The following ADSS2 variants were observed in gnomAD, a reference collection of about 807,000 sequenced individuals.
ADSS2 encodes the protein adenylosuccinate synthetase isozyme 2.
In ADSS2, 30 loss-of-function variants were observed where a neutral mutation model predicts 60.0. The ratio of observed to expected loss-of-function variants is 0.50; its 90% CI spans 0.37 to 0.68. The LOEUF (loss-of-function observed/expected upper bound fraction) is 0.68, where lower values mean the gene tolerates loss of function less well. Ranked by LOEUF, ADSS2 falls within the 30% of genes least tolerant of loss-of-function variation. The pLI, the probability that ADSS2 is intolerant of heterozygous loss-of-function variation, is 0.00. For synonymous variants in ADSS2, 187 were observed against 193.1 expected (o/e 0.97, Z 0.26); for missense variants, 373 against 554.8 (o/e 0.67, Z 3.29).
intron 4 of ADSS2, among the ~76,000 whole-genome samples, chr1:244,432,321 T>C (rs1267555624): frequency 6.6e-6 from 1 of 152,254 alleles, no homozygotes; most frequent in East Asian, 1.9e-4. Flanking sequence ...GCTTGTATTA[T>C]AAATTTGCTT....
At chr1:244,448,248 T>A (rs968390991) in intron 1 of ADSS2, among the ~76,000 whole-genome samples, 1 of 152,218 alleles carries the variant, frequency 6.6e-6, no homozygotes, top group African/African-American at 2.4e-5. Flanking sequence ...CTTTCACCTT[T>A]TCTATTTCAA....
intron 11 of ADSS2, among the ~76,000 whole-genome samples, 170 bp from the exon 12 acceptor site, chr1:244,411,606 G>T (rs185359182): frequency 6.6e-6 from 1 of 152,294 alleles, no homozygotes; most frequent in African/African-American, 2.4e-5. Flanking sequence ...ATACCATCTG[G>T]AGTAGTATTC....
At chr1:244,420,952 C>A (rs1274077394) in intron 7 of ADSS2, among the ~76,000 whole-genome samples, 1 of 152,144 alleles carries the variant, frequency 6.6e-6, no homozygotes, top group Non-Finnish European at 1.5e-5. Flanking sequence ...CTCCAAAGTG[C>A]TGAATTACAG....
At chr1:244,441,207 T>C (rs1224232418) in intron 1 of ADSS2, among the ~76,000 whole-genome samples, 5 of 152,074 alleles carry the variant, frequency 3.3e-5, no homozygotes, top group Admixed American at 2.6e-4. Flanking sequence ...TACAGGCGCC[T>C]GCCGCCATGC....
In ADSS2 at chr1:244,432,560, C is replaced by A; in HGVS notation, c.391G>T (p.Asp131Tyr). Residue 131 changes from aspartate to tyrosine, a missense_variant, in exon 4 of 13, where the codon GAC (aspartate) becomes TAC (tyrosine). Transcript: ENST00000366535. Reference protein sequence around the residue: ...EGWEKRLIISDRAHIVFDFHQ... With the variant: ...EGWEKRLIISYRAHIVFDFHQ... ...TCCACCTTACCAATATGAGCTCTGT[C>A]AGATATAATAAGCCTTTTTTCCCAG... 1 of 1,574,202 alleles carries A rather than the reference C, an allele frequency of 6.4e-7. No homozygotes were observed. The highest frequency in any genetic ancestry group is 1.2e-5 in the South Asian group (1 of 84,902).
At chr1:244,413,237 T>C (rs1316483066) in intron 11 of ADSS2, among the ~76,000 whole-genome samples, 1 of 152,162 alleles carries the variant, frequency 6.6e-6, no homozygotes, top group African/African-American at 2.4e-5. Flanking sequence ...AACATACTGC[T>C]AGGAATGCTC....
At chr1:244,434,699 C>G (rs1192271575) in intron 3 of ADSS2, among the ~76,000 whole-genome samples, 1 of 151,786 alleles carries the variant, frequency 6.6e-6, no homozygotes, top group East Asian at 1.9e-4. Flanking sequence ...GTTGGATAGG[C>G]TAGAAGGAAA....
At chr1:244,414,364 T>C (rs1329735711) in intron 11 of ADSS2, among the ~76,000 whole-genome samples, 1 of 152,158 alleles carries the variant, frequency 6.6e-6, no homozygotes, top group South Asian at 2.1e-4. Context: ...GGAATCTCAG[T>C]AGAGAAATAG....
Position 244,451,774 on chromosome 1 carries a change from T to C in ADSS2, c.44A>G (p.Asn15Ser), listed in dbSNP as rs771680394. Residue 15 changes from asparagine (N) to serine (S), a missense_variant, in exon 1 of 13, where the codon AAC becomes AGC. Asn to Ser is a conservative substitution (Grantham distance 46, BLOSUM62 1). Around this residue, in one of 5 missense-constraint regions of ADSS2, gnomAD observed 47 missense variants for 48.3 expected, o/e 0.97. Transcript: ENST00000366535. The surrounding 1 kb of genome is among the most constrained non-coding windows in gnomAD (Gnocchi z 6.6). ...ETYPAASSLPNGDCGRPRARP... is the reference protein window; with the variant it reads ...ETYPAASSLPSGDCGRPRARP... ...CGCCCTGGGGCGGCCGCAATCGCCG[T>C]TGGGCAGGGAGGATGCCGCCGGGTA... is the stretch of plus-strand genomic sequence containing the variant. 6 of 1,600,004 alleles carry C rather than the reference T, an allele frequency of 3.7e-6. No individual in the cohort carries two copies. The highest frequency in any genetic ancestry group is 1.3e-5 in the African/African-American group (1 of 74,586).
chr1:244,435,193 AAAAAC>A (rs1407708121), intron 3 of ADSS2, among the ~76,000 whole-genome samples: 1,507 of 141,410 alleles, frequency 0.011, 40 homozygotes, highest in Middle Eastern at 0.026. Context: ...AAAAAAAAAA[AAAAAC>A]AAACCTGAAC....
Position 244,422,850 on chromosome 1 carries a change from T to C in ADSS2, c.648A>G (p.Glu216=). The change falls in exon 7 of 13, where the codon GAA becomes GAG. Residue 216 remains glutamate, a synonymous_variant. Coordinates refer to ENST00000366535, the MANE Select transcript of ADSS2 (RefSeq NM_001126.5). ...AAAGCATTACCTTGAGTTTTTGTAA[T>C]TCACCTTCAATGTCTATTTCCAAAG... ...YPTLEIDIEG[E]LQKLKGYMEK... is the part of the protein sequence containing the mutation. 6.3e-7 allele frequency: 1 copy of C among 1,596,506 alleles called. No homozygotes were observed. The highest frequency in any genetic ancestry group is 8.6e-7 in the Non-Finnish European group (1 of 1,164,674).
intron 1 of ADSS2, among the ~76,000 whole-genome samples, chr1:244,441,041 T>C (rs1458288958): frequency 2.6e-5 from 4 of 151,872 alleles, no homozygotes; most frequent in Non-Finnish European, 4.4e-5. Flanking sequence ...CAAAAGAACA[T>C]TAATTATCTT....
chr1:244,423,108 T>G (rs1003330290), intron 6 of ADSS2, among the ~76,000 whole-genome samples, 192 bp from the exon 7 acceptor site: 1 of 152,208 alleles, frequency 6.6e-6, no homozygotes, highest in South Asian at 2.1e-4. Context: ...ACATTCAAAT[T>G]ATTTTTTTAC....
chr1:244,421,553 T>C (rs1439866562), intron 7 of ADSS2, among the ~76,000 whole-genome samples: 1 of 152,238 alleles, frequency 6.6e-6, no homozygotes, highest in Admixed American at 6.5e-5. Flanking sequence ...AGAATCTTCT[T>C]ACCTAATTCT....
rs1269577074 is a variant in ADSS2 at position 244,451,729 on chromosome 1, A to G, written c.89T>C (p.Val30Ala). 3 of 1,608,816 alleles carry G rather than the reference A, an allele frequency of 1.9e-6. No individual in the cohort carries two copies. In the East Asian group the frequency reaches 6.7e-5, roughly 36 times the overall value. The change falls in exon 1 of 13, where the codon GTG becomes GCG. Residue 30 changes from valine to alanine, a missense_variant. By Grantham distance (64) the Val-to-Ala change is moderately conservative. Around this residue, in one of 5 missense-constraint regions of ADSS2, gnomAD observed 47 missense variants for 48.3 expected, o/e 0.97. Coordinates refer to ENST00000366535, the MANE Select transcript of ADSS2 (RefSeq NM_001126.5). This position sits in a 1 kb window ranked among gnomAD's most constrained non-coding sequence, Gnocchi z 6.6. ...CCACTGCGCACCGAGCACCACCGTC[A>G]CCCGGTTTCCTCCGGGCCGCGCCCT... ...RPRARPGGNR[V>A]TVVLGAQWGD...
chr1:244,430,785 A>C (rs1664922795), intron 4 of ADSS2, among the ~76,000 whole-genome samples: 1 of 152,216 alleles, frequency 6.6e-6, no homozygotes, highest in Non-Finnish European at 1.5e-5. Flanking sequence ...ACTTCACAAA[A>C]ACATATTTTT....
At chr1:244,431,137 T>C (rs1445323616) in intron 4 of ADSS2, among the ~76,000 whole-genome samples, 1 of 152,074 alleles carries the variant, frequency 6.6e-6, no homozygotes, top group African/African-American at 2.4e-5. Flanking sequence ...AGAATATTAG[T>C]AATACTCTAT....
In ADSS2 at chr1:244,422,927, C is replaced by T; in HGVS notation, c.582-11G>A. ...GCTAGAACTTTAAACCTGAGAAACA[C>T]AGATAAATCAAGACATTACCACTCT... is the stretch of plus-strand genomic sequence containing the variant. On this transcript the variant is annotated splice_polypyrimidine_tract_variant and intron_variant, in intron 6 of 12. Transcript: ENST00000366535. The T allele has an allele frequency of 2.0e-6, 3 of 1,514,136 alleles. No individual in the cohort carries two copies. The highest frequency in any genetic ancestry group is 2.7e-6 in the Non-Finnish European group (3 of 1,094,846). The allele number at this position is 1,514,136 out of a possible 1,614,324, so 93.8% of individuals were successfully genotyped here. A position where few individuals can be genotyped will look rare whatever the true frequency, so the allele number is the denominator to read the frequency against.
rs1020569467 is a variant in ADSS2, at chr1:244,451,527, T to G, written c.183+108A>C. 8.1e-7 allele frequency: 1 copy of G among 1,235,552 alleles called. No homozygotes were observed. The allele number at this position is 1,235,552 out of a possible 1,614,324, so 76.5% of individuals were successfully genotyped here. ...GAGGAGAGAGCCTCAAGGTGACACCTCATTTTGGCCAGTGGATCCGGGTTC... is the reference window on the plus strand; with the variant it reads ...GAGGAGAGAGCCTCAAGGTGACACCGCATTTTGGCCAGTGGATCCGGGTTC... On this transcript the variant is annotated intron_variant, in intron 1 of 12. Coordinates refer to ENST00000366535, the MANE Select transcript of ADSS2 (RefSeq NM_001126.5). The surrounding 1 kb of genome is among the most constrained non-coding windows in gnomAD (Gnocchi z 6.6).
Sources: allele counts gnomAD v4.1 joint callset (sites outside exome capture counted in the v4.1 genomes callset), GRCh38; gene constraint gnomAD v4.1.1; regional missense constraint gnomAD v4.1.1; non-coding constraint Gnocchi (gnomAD v3.1); transcripts MANE v1.5; gene names NCBI Gene and HGNC (gene_info 2026-07-23, HGNC 2026-07-21).